Variants in PARD6G observed in about 807,000 individuals in gnomAD.
PARD6G encodes par-6 family cell polarity regulator gamma.
In PARD6G, 7 loss-of-function variants were observed where a neutral mutation model predicts 10.7. That is an observed-to-expected ratio of 0.66 (90% confidence interval 0.37 to 1.23). PARD6G has a LOEUF of 1.23. Ranked by LOEUF, PARD6G falls within the 50% of genes most tolerant of loss-of-function variation. PARD6G has a pLI of 0.02. For missense variants in PARD6G, 548 were observed against 571.8 expected, an observed-to-expected ratio of 0.96 and a Z score of 0.42; for synonymous variants, 287 against 269.4, an observed-to-expected ratio of 1.07 and a Z score of -0.64.
At position 80,188,438 on chromosome 18, in the gene PARD6G, G is replaced by C. The variant is rs1472343476; in HGVS notation, c.295+14272C>G. Reference sequence around the variant, plus strand: ...CCAAGGACCTAGGCACCTCCTCATGGTGCCTTCCACCTGCAATTCCCGTCC... The same window carrying C: ...CCAAGGACCTAGGCACCTCCTCATGCTGCCTTCCACCTGCAATTCCCGTCC... On this transcript the variant is annotated intron_variant, in intron 2 of 2. Transcript: ENST00000353265. This position sits in a 1 kb window ranked among gnomAD's most constrained non-coding sequence, Gnocchi z 5.4. Among the ~76,000 whole-genome samples, 2 of 152,104 alleles carry C rather than the reference G, an allele frequency of 1.3e-5. No individual in the cohort carries two copies.
Position 80,181,117 on chromosome 18 carries a change from C to T in PARD6G, c.296-20511G>A, listed in dbSNP as rs771549816. ...GGGCTGCGACCGGAGAAGCAGCCTG[C>T]GGGGGTGGGCCAGGAAGGGGCGCCA... is the stretch of plus-strand genomic sequence containing the variant. On this transcript the variant is annotated intron_variant, in intron 2 of 2. Coordinates refer to ENST00000353265, the MANE Select transcript of PARD6G (RefSeq NM_032510.4). The surrounding 1 kb of genome is among the most constrained non-coding windows in gnomAD (Gnocchi z 7.9). Among the ~76,000 whole-genome samples the T allele has an allele frequency of 5.3e-5, 8 of 152,236 alleles. No individual in the cohort carries two copies. Among genetic ancestry groups the T allele is most frequent in the Non-Finnish European group, 1.2e-4 (8 of 68,012 alleles).
At chr18:80,162,841 G>A (rs1287723777) in intron 2 of PARD6G, among the ~76,000 whole-genome samples, 4 of 152,156 alleles carry the variant, frequency 2.6e-5, no homozygotes, top group Non-Finnish European at 4.4e-5. Flanking sequence ...TCCTCTTCCC[G>A]TGATGAGGAG....
chr18:80,217,032 G>A (rs932909980), intron 1 of PARD6G, among the ~76,000 whole-genome samples: 1 of 152,016 alleles, frequency 6.6e-6, no homozygotes, highest in Admixed American at 6.6e-5. Flanking sequence ...CTGATTGAAG[G>A]GCTGGTACAG....
rs1966995946 is a variant in PARD6G, at chr18:80,200,206, C to A, written c.295+2504G>T. Among the ~76,000 whole-genome samples the A allele has an allele frequency of 2.0e-5, 3 of 152,124 alleles. No individual in the cohort carries two copies. On this transcript the variant is annotated intron_variant, in intron 2 of 2. Transcript: ENST00000353265. The surrounding 1 kb of genome is among the most constrained non-coding windows in gnomAD (Gnocchi z 4.4). ...GGGATTGAGTGTTGCCTCTCAGGGG[C>A]CTCAGCTCTGCCCCAAACGCAAACA...
intron 2 of PARD6G, among the ~76,000 whole-genome samples, chr18:80,196,890 TAAAAA>T (rs572719232): frequency 1.1e-5 from 1 of 88,014 alleles, no homozygotes; most frequent in Non-Finnish European, 2.1e-5. Context: ...TTTCTTTTAT[TAAAAA>T]AAAAAAAAAA....
At chr18:80,210,671 C>T (rs1413834180) in intron 1 of PARD6G, among the ~76,000 whole-genome samples, 2 of 152,080 alleles carry the variant, frequency 1.3e-5, no homozygotes, top group Non-Finnish European at 2.9e-5. Context: ...TTTCCATGGG[C>T]CAAGTTTATT....
intron 1 of PARD6G, among the ~76,000 whole-genome samples, chr18:80,221,605 AT>A (rs1967230629): frequency 6.6e-6 from 1 of 152,222 alleles, no homozygotes. Context: ...ATCATACTTA[AT>A]GGTTAAAAGA....
chr18:80,173,343 G>A (rs2052789356), intron 2 of PARD6G, among the ~76,000 whole-genome samples: 1 of 152,102 alleles, frequency 6.6e-6, no homozygotes, highest in Non-Finnish European at 1.5e-5. Context: ...GGGCAAACGC[G>A]GCCGTGCACG....
rs1357645850 is a variant in PARD6G, at chr18:80,159,915, C to T, written c.987G>A (p.Ala329=). The T allele has an allele frequency of 6.6e-7, 1 of 1,515,802 alleles. No individual in the cohort carries two copies. The highest frequency in any genetic ancestry group is 8.8e-7 in the Non-Finnish European group (1 of 1,138,418). The allele number at this position is 1,515,802 out of a possible 1,614,324, so 93.9% of individuals were successfully genotyped here. The part of the protein sequence containing the change: ...PAGSLSRVNG[A]GLAQRLQRDL... ...CCCGCTGCAGCCGCTGCGCCAGGCCCGCGCCATTGACCCGGGAGAGGCTGC... is the reference window on the plus strand; with the variant it reads ...CCCGCTGCAGCCGCTGCGCCAGGCCTGCGCCATTGACCCGGGAGAGGCTGC... Residue 329 remains alanine (A), a synonymous_variant, in exon 3 of 3, where the codon GCG becomes GCA. Coordinates refer to ENST00000353265, the MANE Select transcript of PARD6G (RefSeq NM_032510.4).
At chr18:80,165,496 A>C (rs4799139) in intron 2 of PARD6G, among the ~76,000 whole-genome samples, 129,311 of 152,118 alleles carry the variant, frequency 0.85, 55,113 homozygotes, top group Non-Finnish European at 0.87. Flanking sequence ...ACAGTTAACA[A>C]AATTATCACA....
At chr18:80,179,138 G>C (rs1248999876) in intron 2 of PARD6G, among the ~76,000 whole-genome samples, 1 of 152,068 alleles carries the variant, frequency 6.6e-6, no homozygotes, top group Non-Finnish European at 1.5e-5. Flanking sequence ...GTGAGCACCA[G>C]AAGCCGGCCC....
Position 80,231,308 on chromosome 18 carries a change from C to T in PARD6G, c.72+15969G>A, listed in dbSNP as rs1466780493. Reference sequence around the variant, plus strand: ...CGCATCTGTCCCTGCCTTCATAAGACTTTCCTGAAAGGTAAATTCACTTAG... The same window carrying T: ...CGCATCTGTCCCTGCCTTCATAAGATTTTCCTGAAAGGTAAATTCACTTAG... On this transcript the variant is annotated intron_variant, in intron 1 of 2. Coordinates refer to ENST00000353265, the MANE Select transcript of PARD6G (RefSeq NM_032510.4). This position sits in a 1 kb window ranked among gnomAD's most constrained non-coding sequence, Gnocchi z 4.2. Among the ~76,000 whole-genome samples the T allele has an allele frequency of 6.6e-6, 1 of 152,236 alleles. No homozygotes were observed. Among genetic ancestry groups the T allele is most frequent in the Non-Finnish European group, 1.5e-5 (1 of 68,034 alleles).
intron 2 of PARD6G, among the ~76,000 whole-genome samples, chr18:80,173,391 G>A (rs1254141553): frequency 1.3e-5 from 2 of 152,172 alleles, no homozygotes; most frequent in African/African-American, 4.8e-5. Flanking sequence ...TTGGGAGGCC[G>A]AAGTGAGTGG....
In PARD6G at chr18:80,218,947, C is replaced by T. The variant is rs572543384; in HGVS notation, c.73-16015G>A. ...CAACCACCTGAGCTGTATGTTGGCC[C>T]CTTTTAGCCGCGGCTGGAGTGGCTG... On this transcript the variant is annotated intron_variant, in intron 1 of 2. Transcript: ENST00000353265. Among the ~76,000 whole-genome samples, 19 of 152,334 alleles carry T rather than the reference C, an allele frequency of 1.2e-4. No homozygotes were observed. In the South Asian group the frequency reaches 3.3e-3, roughly 27 times the overall value.
At chr18:80,224,345 G>A (rs1533654) in intron 1 of PARD6G, among the ~76,000 whole-genome samples, 128,759 of 152,174 alleles carry the variant, frequency 0.85, 54,609 homozygotes, top group Non-Finnish European at 0.87. Context: ...TAGAAGGTAT[G>A]AAAGTCTTTT....
Position 80,160,062 on chromosome 18 carries a change from G to C in PARD6G, c.840C>G (p.Pro280=). ...SDGTAGFVGP[P]APRVLQNFHP... ...GGAAGTTCTGCAGGACGCGCGGGGC[G>C]GGGGGACCCACGAAGCCCGCGGTGC... The change falls in exon 3 of 3, where the codon CCC becomes CCG. Residue 280 remains proline, a synonymous_variant. Coordinates refer to ENST00000353265, the MANE Select transcript of PARD6G (RefSeq NM_032510.4). 6.4e-7 allele frequency: 1 copy of C among 1,562,744 alleles called. No individual in the cohort carries two copies. The highest frequency in any genetic ancestry group is 8.6e-7 in the Non-Finnish European group (1 of 1,158,342).
chr18:80,201,384 G>A lies in PARD6G; in HGVS notation c.295+1326C>T, dbSNP rs766375511. Among the ~76,000 whole-genome samples, 12 of 152,188 alleles carry A rather than the reference G, an allele frequency of 7.9e-5. No homozygotes were observed. Among genetic ancestry groups the A allele is most frequent in the African/African-American group, 2.7e-4 (11 of 41,444 alleles). ...TGCAGAGGGCAGCATACAGAGGACCGAGGTGTGGCACGCTGGAGGCTGTGC... is the reference window on the plus strand; with the variant it reads ...TGCAGAGGGCAGCATACAGAGGACCAAGGTGTGGCACGCTGGAGGCTGTGC... On this transcript the variant is annotated intron_variant, in intron 2 of 2. Coordinates refer to ENST00000353265, the MANE Select transcript of PARD6G (RefSeq NM_032510.4). This position sits in a 1 kb window ranked among gnomAD's most constrained non-coding sequence, Gnocchi z 5.9.
At chr18:80,206,163 C>G (rs966591513) in intron 1 of PARD6G, among the ~76,000 whole-genome samples, 56 of 152,152 alleles carry the variant, frequency 3.7e-4, no homozygotes, top group African/African-American at 1.4e-3. Flanking sequence ...CAGACTGTTT[C>G]CTGAGAGAAA....
chr18:80,165,563 A>AAAGGCAT (rs1168169652), intron 2 of PARD6G, among the ~76,000 whole-genome samples: 1 of 151,644 alleles, frequency 6.6e-6, no homozygotes, highest in African/African-American at 2.4e-5. Flanking sequence ...TTAAGAGATT[A>AAAGGCAT]AAGACAGGCA....
Sources: allele counts gnomAD v4.1 joint callset (sites outside exome capture counted in the v4.1 genomes callset), GRCh38; gene constraint gnomAD v4.1.1; non-coding constraint Gnocchi (gnomAD v3.1); transcripts MANE v1.5; gene names NCBI Gene and HGNC (gene_info 2026-07-23, HGNC 2026-07-21).